Variants in RPTOR observed in about 807,000 individuals in gnomAD.
RPTOR encodes the protein regulatory-associated protein of mTOR.
In RPTOR, 21 loss-of-function variants were observed where a neutral mutation model predicts 169.9. The observed-to-expected ratio is 0.12, with a 90% CI of 0.09 to 0.18. RPTOR has a LOEUF of 0.18. Among genes scored for constraint, RPTOR ranks in the 10% least tolerant of loss-of-function variants. RPTOR has a pLI of 1.00. For synonymous variants in RPTOR, 732 were observed against 753.2 expected (o/e 0.97, Z 0.46); for missense variants, 1,133 against 1,855.9 (o/e 0.61, Z 7.16).
At position 80,695,186 on chromosome 17, in the gene RPTOR, G is replaced by A. The variant is rs1229689431; in HGVS notation, c.349-12655G>A. 4.6e-5 allele frequency among the ~76,000 whole-genome samples: 7 copies of A among 152,148 alleles called. No individual in the cohort carries two copies. Among genetic ancestry groups the A allele is most frequent in the African/African-American group, 1.4e-4 (6 of 41,440 alleles). On this transcript the variant is annotated intron_variant, in intron 3 of 33. Transcript: ENST00000306801. This position sits in a 1 kb window ranked among gnomAD's most constrained non-coding sequence, Gnocchi z 4.9. ...TAAGAGTGAGGCGGGTAGAATGCAT[G>A]TGCCCAAGACAGAGGCTGCCCCGAC...
rs1168857351 is a variant in RPTOR, at chr17:80,947,006, A to G, written c.3141-221A>G. 2.6e-5 allele frequency among the ~76,000 whole-genome samples: 4 copies of G among 152,158 alleles called. No homozygotes were observed. Among genetic ancestry groups the G allele is most frequent in the Admixed American group, 6.5e-5 (1 of 15,272 alleles). On this transcript the variant is annotated intron_variant, in intron 26 of 33. Coordinates refer to ENST00000306801, the MANE Select transcript of RPTOR (RefSeq NM_020761.3). The surrounding 1 kb of genome is among the most constrained non-coding windows in gnomAD (Gnocchi z 4.4). ...TCTCTTTGTTTGTTTGTTTGGAGAC[A>G]AGGTCTCACTTTGTTGTCCAGGCTG... is the stretch of plus-strand genomic sequence containing the variant.
rs567894039 is a variant in RPTOR, at chr17:80,860,994, C to G, written c.1509+3094C>G. ...CTTGAACCCTCCTGGGCCCAGTGCT[C>G]TGCACCTGGCTGTGACCAGAGAACG... On this transcript the variant is annotated intron_variant, in intron 13 of 33. Transcript: ENST00000306801. The surrounding 1 kb of genome is among the most constrained non-coding windows in gnomAD (Gnocchi z 5.8). 6.4e-5 allele frequency among the ~76,000 whole-genome samples: 8 copies of G among 124,400 alleles called. 2 individuals are homozygous for G. In the South Asian group the frequency reaches 2.1e-3, roughly 33 times the overall value. The allele number at this position is 124,400 out of a possible 152,430, so 81.6% of individuals were successfully genotyped here.
At chr17:80,626,327 AGGCCAATTTTCTACTTTATTACACGCCC>A (rs60989144) in intron 2 of RPTOR, among the ~76,000 whole-genome samples, 64,663 of 150,964 alleles carry the variant, frequency 0.43, 14,670 homozygotes, top group African/African-American at 0.59. Flanking sequence ...CTGGGATTAC[AGGCCAATTTTCTACTTTATTACACGCCC>A]GGCCAATTTT....
In RPTOR at chr17:80,823,349, ACAAGT is replaced by A; in HGVS notation, c.1136+127_1136+131del. On this transcript the variant is annotated intron_variant, in intron 9 of 33. Transcript: ENST00000306801. This position sits in a 1 kb window ranked among gnomAD's most constrained non-coding sequence, Gnocchi z 4.5. Reference sequence around the variant, plus strand: ...AACTTGGGGACCCCGTGTAGCATTAACAAGTGAAGCTAAATGCAGGGCTCCCAGAG... The same window carrying A: ...AACTTGGGGACCCCGTGTAGCATTAAGAAGCTAAATGCAGGGCTCCCAGAG... 1 of 1,230,122 alleles carries A rather than the reference ACAAGT, an allele frequency of 8.1e-7. No individual in the cohort carries two copies. The highest frequency in any genetic ancestry group is 1.1e-6 in the Non-Finnish European group (1 of 888,952). 76.2% of individuals were successfully genotyped at this position (1,230,122 alleles called of 1,614,324 possible).
chr17:80,669,977 T>C (rs939612819), intron 3 of RPTOR, among the ~76,000 whole-genome samples: 2 of 152,262 alleles, frequency 1.3e-5, no homozygotes, highest in African/African-American at 4.8e-5. Flanking sequence ...CACTCAGGTA[T>C]CTTTAGATTT....
intron 2 of RPTOR, among the ~76,000 whole-genome samples, chr17:80,630,635 A>C (rs1599616932): frequency 6.6e-6 from 1 of 152,262 alleles, no homozygotes; most frequent in Non-Finnish European, 1.5e-5. Context: ...ATGTCACCAC[A>C]TGTATAGAGT....
intron 20 of RPTOR, among the ~76,000 whole-genome samples, chr17:80,903,141 A>T (rs1423116036): frequency 2.0e-5 from 3 of 152,232 alleles, no homozygotes; most frequent in Admixed American, 2.0e-4. Flanking sequence ...AAAGGAACAC[A>T]GCCCTGCGGA....
At chr17:80,551,225 C>T (rs544757489) in intron 1 of RPTOR, among the ~76,000 whole-genome samples, 1 of 152,056 alleles carries the variant, frequency 6.6e-6, no homozygotes. Flanking sequence ...GTGGGTTGCC[C>T]CTCCACACCT....
At chr17:80,962,656 T>C in intron 32 of RPTOR, 79 bp downstream of exon 32, 1 of 1,344,478 alleles carries the variant, frequency 7.4e-7, no homozygotes, top group Non-Finnish European at 1.0e-6. Context: ...CTTGTGTTCC[T>C]GCCCCCAGGA....
chr17:80,774,255 C>A (rs1008229609), intron 6 of RPTOR: 1 of 985,286 alleles, frequency 1.0e-6, no homozygotes, highest in East Asian at 1.1e-4. Context: ...ATGATGCTCA[C>A]GCTCCGGTGT....
rs1555607051 is a variant in RPTOR, at chr17:80,685,644, T to TTATTTTTTTA, written c.349-22196_349-22195insATTTTTTTAT. On this transcript the variant is annotated intron_variant, in intron 3 of 33. Transcript: ENST00000306801. ...ATATATATATTTTTTTTTTTTTTTT[T>TTATTTTTTTA]TTTTTTTTTTTTTGCTGTGAATTAT... Among the ~76,000 whole-genome samples the TTATTTTTTTA allele has an allele frequency of 1.1e-4, 8 of 72,302 alleles. 1 individual carries two copies. The highest frequency in any genetic ancestry group is 3.6e-4 in the African/African-American group (8 of 21,920). The allele number at this position is 72,302 out of a possible 152,430, so 47.4% of individuals were successfully genotyped here. A position where few individuals can be genotyped will look rare whatever the true frequency, so the allele number is the denominator to read the frequency against.
At chr17:80,596,421 C>CT (rs970493340) in intron 1 of RPTOR, among the ~76,000 whole-genome samples, 13 of 149,120 alleles carry the variant, frequency 8.7e-5, no homozygotes, top group Admixed American at 4.7e-4. Flanking sequence ...TTAGGTTCGA[C>CT]TTTTTTTTTT....
intron 21 of RPTOR, among the ~76,000 whole-genome samples, chr17:80,910,298 C>T (rs139084401): frequency 2.6e-5 from 4 of 152,268 alleles, no homozygotes; most frequent in East Asian, 1.9e-4. Context: ...ATCACAAGCC[C>T]GTGACACCCA....
At chr17:80,713,673 A>G (rs1386716268) in intron 4 of RPTOR, among the ~76,000 whole-genome samples, 1 of 152,186 alleles carries the variant, frequency 6.6e-6, no homozygotes, top group Non-Finnish European at 1.5e-5. Flanking sequence ...TCTATTAATC[A>G]GAGAAAATAG....
intron 32 of RPTOR, 103 bp from the exon 33 acceptor site, chr17:80,962,825 C>A: frequency 1.3e-6 from 2 of 1,553,146 alleles, no homozygotes; most frequent in Non-Finnish European, 1.7e-6. Context: ...GCCAGCCTGT[C>A]CCCGTGGTCT....
chr17:80,635,382 A>T (rs954221168), intron 2 of RPTOR, among the ~76,000 whole-genome samples: 2 of 152,120 alleles, frequency 1.3e-5, no homozygotes, highest in African/African-American at 4.8e-5. Flanking sequence ...TGGCTTTAGG[A>T]TTGTTGAAGA....
chr17:80,943,551 G>A lies in RPTOR; in HGVS notation c.3026-2116G>A, dbSNP rs552371931. Among the ~76,000 whole-genome samples the A allele has an allele frequency of 7.2e-5, 11 of 152,128 alleles. 1 individual carries two copies. The South Asian group carries it at 2.3e-3, about 32-fold the overall frequency. ...GGCTGGGCTCCTCCTGCTGCAAAGG[G>A]CGCCAACTTCTGTGGCTCCCCCCGT... On this transcript the variant is annotated intron_variant, in intron 25 of 33. Coordinates refer to ENST00000306801, the MANE Select transcript of RPTOR (RefSeq NM_020761.3).
At chr17:80,903,110 T>C (rs1363661745) in intron 20 of RPTOR, among the ~76,000 whole-genome samples, 3 of 152,164 alleles carry the variant, frequency 2.0e-5, no homozygotes, top group Admixed American at 1.3e-4. Flanking sequence ...GATGGACTAA[T>C]GCAAGGGAGG....
At chr17:80,963,428 GCGGCCCTCACCCCGTCCCCTC>G (rs1164883698) in intron 33 of RPTOR, among the ~76,000 whole-genome samples, 1,307 of 121,556 alleles carry the variant, frequency 0.011, 207 homozygotes, top group South Asian at 0.026. Flanking sequence ...CGTCCCCTCT[GCGGCCCTCACCCCGTCCCCTC>G]TGCGGCCCTC....
Sources: gnomAD v4.1 joint callset for allele counts (sites outside exome capture counted in the v4.1 genomes callset) on GRCh38, gnomAD v4.1.1 for gene constraint, Gnocchi (gnomAD v3.1) non-coding constraint, MANE v1.5 for transcripts, NCBI Gene and HGNC (gene_info 2026-07-23, HGNC 2026-07-21) for gene names.